The following CERT1 variants were observed in gnomAD, a reference collection of about 807,000 sequenced individuals.
CERT1 encodes the protein ceramide transfer protein.
CERT1 carries 31 observed loss-of-function variants against 87.9 expected under a neutral mutation model. The ratio of observed to expected loss-of-function variants is 0.35; its 90% CI spans 0.27 to 0.48. CERT1 has a LOEUF of 0.48. CERT1 is among the 20% of genes least tolerant of loss of function. The probability of loss-of-function intolerance (pLI) is 0.99; values close to 1 mark genes in which losing one functional copy is unlikely to be tolerated. For synonymous variants in CERT1, 289 were observed against 250.9 expected (o/e 1.15, Z -1.44); for missense variants, 487 against 758.0 (o/e 0.64, Z 4.20).
chr5:75,485,864 TAA>T (rs963974188), intron 2 of CERT1, among the ~76,000 whole-genome samples: 2 of 152,038 alleles, frequency 1.3e-5, no homozygotes, highest in Non-Finnish European at 2.9e-5. Flanking sequence ...AAAGCTGTAA[TAA>T]AAAGTCTCAG....
chr5:75,511,400 A>C lies in CERT1; in HGVS notation c.-193T>G. On this transcript the variant is annotated 5_prime_UTR_variant, in exon 1 of 17. Coordinates refer to ENST00000643780, the MANE Select transcript of CERT1 (RefSeq NM_001379029.1). ...GCGCCTGACACCGAGCGGAGCGAGG[A>C]AGGAGGACGAGCGGTGAAGGAAGCC... 6.5e-7 allele frequency: 1 copy of C among 1,545,830 alleles called. No individual in the cohort carries two copies. The highest frequency in any genetic ancestry group is 1.2e-5 in the South Asian group (1 of 83,898).
rs560152149 is a variant in CERT1, at chr5:75,427,522, C to T, written c.349-1044G>A. Among the ~76,000 whole-genome samples, 74 of 152,306 alleles carry T rather than the reference C, an allele frequency of 4.9e-4. No homozygotes were observed. The Middle Eastern group carries it at 0.01, about 21-fold the overall frequency. Reference sequence around the variant, plus strand: ...GCTGAGGCAGGAGAATCGCCTGAACCTGGGAAGCAGAGGTTGCAGTGAGCC... The same window carrying T: ...GCTGAGGCAGGAGAATCGCCTGAACTTGGGAAGCAGAGGTTGCAGTGAGCC... On this transcript the variant is annotated intron_variant, in intron 3 of 16. Transcript: ENST00000643780.
At chr5:75,396,782 A>C (rs562842708) in intron 11 of CERT1, among the ~76,000 whole-genome samples, 1 of 152,146 alleles carries the variant, frequency 6.6e-6, no homozygotes, top group African/African-American at 2.4e-5. Flanking sequence ...GTAATATAAC[A>C]TAAGTGTTTC....
chr5:75,431,914 T>C (rs1763882165), intron 3 of CERT1, among the ~76,000 whole-genome samples: 1 of 152,224 alleles, frequency 6.6e-6, no homozygotes, highest in South Asian at 2.1e-4. Flanking sequence ...ATGATTTATA[T>C]TCCTATGGGT....
intron 2 of CERT1, among the ~76,000 whole-genome samples, chr5:75,463,189 C>A (rs919354784): frequency 6.6e-6 from 1 of 151,788 alleles, no homozygotes; most frequent in East Asian, 1.9e-4. Flanking sequence ...AAGATTAACA[C>A]GAATATATAT....
chr5:75,456,050 ATACT>A (rs1485769520), intron 3 of CERT1, among the ~76,000 whole-genome samples: 1 of 152,186 alleles, frequency 6.6e-6, no homozygotes, highest in Non-Finnish European at 1.5e-5. Context: ...ACGATAATGC[ATACT>A]TAAATAGTAA....
chr5:75,477,382 A>T (rs1291025710), intron 2 of CERT1, among the ~76,000 whole-genome samples: 1 of 152,048 alleles, frequency 6.6e-6, no homozygotes, highest in Non-Finnish European at 1.5e-5. Flanking sequence ...TTTTTTTTTA[A>T]GATAAAATAC....
chr5:75,493,980 T>C (rs1455835585), intron 2 of CERT1, among the ~76,000 whole-genome samples: 1 of 152,184 alleles, frequency 6.6e-6, no homozygotes, highest in South Asian at 2.1e-4. Context: ...TCCTTTTTTA[T>C]AGTATACTTA....
At chr5:75,373,212 CAT>C (rs1188614430), downstream of CERT1, 2 of 152,158 alleles carry the variant, frequency 1.3e-5, no homozygotes, top group Non-Finnish European at 2.9e-5. Context: ...GAAGAACAAA[CAT>C]ATATACCCGT....
chr5:75,449,902 G>C (rs190392991), intron 3 of CERT1, among the ~76,000 whole-genome samples: 2 of 152,012 alleles, frequency 1.3e-5, no homozygotes, highest in East Asian at 3.9e-4. Context: ...TTTTTGTATT[G>C]ATTTTTAACA....
chr5:75,493,372 G>A (rs62366603), intron 2 of CERT1, among the ~76,000 whole-genome samples: 1 of 152,146 alleles, frequency 6.6e-6, no homozygotes, highest in African/African-American at 2.4e-5. Flanking sequence ...AACAACAAGA[G>A]GTAAATTTGT....
intron 2 of CERT1, among the ~76,000 whole-genome samples, chr5:75,476,272 C>CAG (rs1037785143): frequency 1.3e-4 from 20 of 151,636 alleles, no homozygotes; most frequent in African/African-American, 4.4e-4. Context: ...CACTGGGCTT[C>CAG]AGATAACTGT....
intron 3 of CERT1, among the ~76,000 whole-genome samples, chr5:75,438,849 T>C (rs1316695268): frequency 6.6e-6 from 1 of 151,990 alleles, no homozygotes; most frequent in Non-Finnish European, 1.5e-5. Flanking sequence ...AAACACCTCC[T>C]ACCCAGATCA....
At chr5:75,384,762 G>T in intron 13 of CERT1, 50 bp from the exon 14 acceptor site, 2 of 1,198,048 alleles carry the variant, frequency 1.7e-6, no homozygotes, top group South Asian at 1.3e-5. Flanking sequence ...CCTAGAATGT[G>T]ATCAATTCAC....
At chr5:75,375,477 C>T (rs1318968403), downstream of CERT1, 1 of 151,104 alleles carries the variant, frequency 6.6e-6, no homozygotes, top group African/African-American at 2.4e-5. Flanking sequence ...TCCCAGCTAC[C>T]CAGGGAGGTA....
intron 3 of CERT1, among the ~76,000 whole-genome samples, chr5:75,434,146 T>C (rs754868639): frequency 3.2e-4 from 48 of 152,046 alleles, no homozygotes; most frequent in Non-Finnish European, 5.4e-4. Flanking sequence ...ATGGCTTATA[T>C]TGTTTTGAGG....
At chr5:75,393,411 G>A (rs1359972778) in intron 11 of CERT1, among the ~76,000 whole-genome samples, 2 of 151,420 alleles carry the variant, frequency 1.3e-5, no homozygotes, top group Non-Finnish European at 2.9e-5. Context: ...TGCCATTTCT[G>A]GATGTTACCA....
Position 75,381,059 on chromosome 5 carries a change from A to G in CERT1, c.1747+13T>C. 6.2e-7 allele frequency: 1 copy of G among 1,613,608 alleles called. No individual in the cohort carries two copies. The highest frequency in any genetic ancestry group is 1.1e-5 in the South Asian group (1 of 91,018). On this transcript the variant is annotated intron_variant, in intron 16 of 16. Transcript: ENST00000643780. The stretch of plus-strand genomic sequence containing the variant: ...GCCACATTATCAAAGAGCAAAAACA[A>G]TAAAATACATACCATTAGCTACATA...
At chr5:75,507,591 T>C in intron 1 of CERT1, among the ~76,000 whole-genome samples, 1 of 152,148 alleles carries the variant, frequency 6.6e-6, no homozygotes, top group Admixed American at 6.5e-5. Context: ...GAATTCACCT[T>C]CCTATAAAGT....
Sources: gnomAD v4.1 joint callset for allele counts (sites outside exome capture counted in the v4.1 genomes callset) on GRCh38, gnomAD v4.1.1 for gene constraint, MANE v1.5 for transcripts, NCBI Gene and HGNC (gene_info 2026-07-23, HGNC 2026-07-21) for gene names.